BRI3: variants seen among roughly 807,000 people sequenced by gnomAD.
The protein encoded by BRI3 is membrane protein BRI3.
In BRI3, 6 loss-of-function variants were observed where a neutral mutation model predicts 12.8. The ratio of observed to expected loss-of-function variants is 0.47; its 90% CI spans 0.26 to 0.93. The LOEUF (loss-of-function observed/expected upper bound fraction) is 0.93. Among genes scored for constraint, BRI3 ranks in the 40% least tolerant of loss-of-function variants. The probability of loss-of-function intolerance (pLI) is 0.15; values close to 1 mark genes in which losing one functional copy is unlikely to be tolerated. For synonymous variants in BRI3, 91 were observed against 76.1 expected (o/e 1.20, Z -1.02); for missense variants, 134 against 171.1 (o/e 0.78, Z 1.21).
At chr7:98,310,718 G>T (rs1233312150), downstream of BRI3, 12 of 680,650 alleles carry the variant, frequency 1.8e-5, no homozygotes, top group East Asian at 4.3e-4. Flanking sequence ...ACAGAGTCTC[G>T]CTGTGTTGCC....
upstream of BRI3, among the ~76,000 whole-genome samples, chr7:98,305,321 T>TAA (rs10708312): frequency 1.5e-4 from 22 of 148,142 alleles, no homozygotes; most frequent in African/African-American, 5.2e-4. Flanking sequence ...AGCTAAGAGT[T>TAA]AAAAAAAAAA....
intron 1 of BRI3, among the ~76,000 whole-genome samples, chr7:98,298,699 A>T (rs1475085143): frequency 1.3e-5 from 2 of 152,204 alleles, no homozygotes; most frequent in African/African-American, 2.4e-5. Flanking sequence ...GCTTTCCCCA[A>T]CATCATCAGC....
downstream of BRI3, chr7:98,293,478 A>T: frequency 6.3e-7 from 1 of 1,575,214 alleles, no homozygotes; most frequent in Non-Finnish European, 8.7e-7. Context: ...ATCATTCCGC[A>T]AGGGAGAACC....
downstream of BRI3, chr7:98,294,167 A>T: frequency 6.4e-7 from 1 of 1,574,296 alleles, no homozygotes; most frequent in South Asian, 1.1e-5. Flanking sequence ...TTTAAAAATT[A>T]TTTTAGGTAG....
chr7:98,294,082 A>G, downstream of BRI3: 6 of 1,614,142 alleles, frequency 3.7e-6, no homozygotes, highest in Non-Finnish European at 5.1e-6. Context: ...ACCTGAGAAA[A>G]GGCGGCTTTG....
At chr7:98,307,455 C>T in intron 1 of BRI3, 2 of 1,394,128 alleles carry the variant, frequency 1.4e-6, no homozygotes, top group Non-Finnish European at 1.9e-6. Flanking sequence ...TACTTTCAGA[C>T]AGGTGACTTC....
At chr7:98,290,385 C>A (rs1267871067) in intron 2 of BRI3, among the ~76,000 whole-genome samples, 1 of 150,774 alleles carries the variant, frequency 6.6e-6, no homozygotes, top group Non-Finnish European at 1.5e-5. Flanking sequence ...TTAGTAGAGA[C>A]GGGGTTTCAC....
chr7:98,296,551 G>GA (rs1800199791), downstream of BRI3, among the ~76,000 whole-genome samples: 1 of 152,206 alleles, frequency 6.6e-6, no homozygotes, highest in South Asian at 2.1e-4. Flanking sequence ...CTTGAACAGG[G>GA]AGGCAGAGGT....
upstream of BRI3, among the ~76,000 whole-genome samples, chr7:98,302,702 T>C (rs757669): frequency 0.88 from 134,186 of 152,254 alleles, 59,401 homozygotes; most frequent in East Asian, 0.96. Flanking sequence ...GGGGGACCTG[T>C]AGCTAGAAAA....
intron 2 of BRI3, among the ~76,000 whole-genome samples, chr7:98,286,323 T>G (rs6950023): frequency 0.81 from 122,435 of 151,962 alleles, 49,392 homozygotes; most frequent in Non-Finnish European, 0.82. Context: ...GGCCCAGCTC[T>G]GAGTGGATGA....
upstream of BRI3, chr7:98,304,175 C>A (rs758831780): frequency 1.3e-6 from 2 of 1,551,526 alleles, no homozygotes; most frequent in Admixed American, 4.1e-5. Context: ...ACCCAGGACG[C>A]CCTGCTGCGG....
intron 2 of BRI3, among the ~76,000 whole-genome samples, chr7:98,285,194 G>C (rs1345305911): frequency 6.6e-6 from 1 of 152,218 alleles, no homozygotes; most frequent in Non-Finnish European, 1.5e-5. Context: ...AGCTGTGGAG[G>C]GCGGATGTCG....
At chr7:98,313,699 A>T (rs978647454), downstream of BRI3, among the ~76,000 whole-genome samples, 2 of 151,788 alleles carry the variant, frequency 1.3e-5, no homozygotes, top group Non-Finnish European at 2.9e-5. Context: ...GCTCACTGCA[A>T]CCTCGAACTC....
downstream of BRI3, among the ~76,000 whole-genome samples, chr7:98,311,099 T>C (rs941140100): frequency 6.6e-6 from 1 of 152,256 alleles, no homozygotes; most frequent in Non-Finnish European, 1.5e-5. Flanking sequence ...TACAAATGTG[T>C]GAATTCATTA....
At chr7:98,294,216 CT>C, downstream of BRI3, 1 of 1,201,972 alleles carries the variant, frequency 8.3e-7, no homozygotes, top group Non-Finnish European at 1.2e-6. Flanking sequence ...TGGTTTCGAA[CT>C]CCTGAGCTCA....
chr7:98,282,193 A>G (rs1395509384), intron 1 of BRI3, among the ~76,000 whole-genome samples, 158 bp from the exon 2 acceptor site: 1 of 152,164 alleles, frequency 6.6e-6, no homozygotes, highest in Non-Finnish European at 1.5e-5. Flanking sequence ...CGCTGTTGGC[A>G]GATTAGCGCC....
chr7:98,300,271 C>T (rs1800366318), intron 1 of BRI3, among the ~76,000 whole-genome samples: 1 of 152,132 alleles, frequency 6.6e-6, no homozygotes, highest in Non-Finnish European at 1.5e-5. Context: ...TCCCCCTGCT[C>T]CCTGCTCCCG....
rs1799951369 is a variant in BRI3, at chr7:98,291,453, T to G, written c.*210T>G. 9 of 1,371,400 alleles carry G rather than the reference T, an allele frequency of 6.6e-6. No individual in the cohort carries two copies. The highest frequency in any genetic ancestry group is 8.5e-6 in the Non-Finnish European group (9 of 1,063,768). The allele number at this position is 1,371,400 out of a possible 1,614,324, so 85.0% of individuals were successfully genotyped here. A position where few individuals can be genotyped will look rare whatever the true frequency, so the allele number is the denominator to read the frequency against. On this transcript the variant is annotated 3_prime_UTR_variant, in exon 3 of 3. Coordinates refer to ENST00000297290, the MANE Select transcript of BRI3 (RefSeq NM_015379.5). ...TCATGACAACTCAATAAAGCACTGC[T>G]TTTATTTTTTGCAGTCTTCAATTTG...
the BRI3 span, chr7:98,320,027 G>A: frequency 6.3e-7 from 1 of 1,591,380 alleles, no homozygotes; most frequent in Non-Finnish European, 8.6e-7. Flanking sequence ...GGCAGCCCAA[G>A]GCTGGGGCTG....
Sources: allele counts gnomAD v4.1 joint callset (sites outside exome capture counted in the v4.1 genomes callset), GRCh38; gene constraint gnomAD v4.1.1; transcripts MANE v1.5; gene names NCBI Gene and HGNC (gene_info 2026-07-23, HGNC 2026-07-21).